The following CCDC196 variants were observed in gnomAD, a reference collection of about 807,000 sequenced individuals.
CCDC196 encodes the protein coiled-coil domain-containing protein 196.
intron 3 of CCDC196, among the ~76,000 whole-genome samples, chr14:66,488,677 T>A (rs1330683815): frequency 6.6e-6 from 1 of 152,152 alleles, no homozygotes; most frequent in Non-Finnish European, 1.5e-5. Flanking sequence ...ATTAGTGGTC[T>A]AAGCCCCCAA....
At chr14:66,495,581 T>C (rs2057643236) in intron 8 of CCDC196, 1 of 152,194 alleles carries the variant, frequency 6.6e-6, no homozygotes. Context: ...TTATTATCTG[T>C]TTAACGTATA....
intron 4 of CCDC196, 83 bp from the exon 5 acceptor site, chr14:66,490,659 C>T: frequency 2.5e-6 from 1 of 398,092 alleles, no homozygotes; most frequent in Non-Finnish European, 4.4e-6. Context: ...CTGGCAGGAA[C>T]CAAAACCTTG....
At chr14:66,497,419 C>T (rs1280158455) in intron 8 of CCDC196, among the ~76,000 whole-genome samples, 1 of 152,118 alleles carries the variant, frequency 6.6e-6, no homozygotes, top group Admixed American at 6.5e-5. Context: ...GCATCACACA[C>T]TCAGGAGTGC....
chr14:66,493,134 GTA>G (rs75051446), intron 8 of CCDC196, among the ~76,000 whole-genome samples: 22,282 of 152,130 alleles, frequency 0.15, 2,030 homozygotes, highest in Non-Finnish European at 0.21. Flanking sequence ...TGTTCTATCA[GTA>G]TCAGTATGTA....
intron 8 of CCDC196, among the ~76,000 whole-genome samples, chr14:66,495,102 A>C (rs2057631918): frequency 6.6e-6 from 1 of 152,124 alleles, no homozygotes; most frequent in South Asian, 2.1e-4. Context: ...GATGCCATCA[A>C]GTTTGAAATA....
intron 8 of CCDC196, chr14:66,496,301 G>A (rs546278897): frequency 2.9e-5 from 13 of 456,120 alleles, no homozygotes; most frequent in Admixed American, 1.6e-4. Context: ...CCCACTGTCC[G>A]ATGTGCTGGT....
rs1426799451 is a variant in CCDC196, at chr14:66,488,196, G to A, written c.240G>A (p.Gly80=). The A allele has an allele frequency of 3.9e-5, 16 of 413,088 alleles. No individual in the cohort carries two copies. The highest frequency in any genetic ancestry group is 7.1e-5 in the Non-Finnish European group (16 of 225,922). The allele number at this position is 413,088 out of a possible 1,614,324, so 25.6% of individuals were successfully genotyped here. The change falls in exon 3 of 10, where the codon GGG becomes GGA. Residue 80 remains glycine, a synonymous_variant. Transcript: ENST00000636229. The part of the protein sequence containing the change: ...QIMRQIMAGK[G]CEESSVMELL... ...TGAGACAGATCATGGCAGGGAAGGG[G>A]TGTGAGGAATCCTCGGTCATGGAGC...
At chr14:66,490,427 G>A (rs1304667160) in intron 4 of CCDC196, among the ~76,000 whole-genome samples, 4 of 152,172 alleles carry the variant, frequency 2.6e-5, no homozygotes, top group African/African-American at 9.7e-5. Flanking sequence ...GGTCCTCAAA[G>A]AATTGTGAGG....
intron 4 of CCDC196, 113 bp from the exon 5 acceptor site, chr14:66,490,629 A>G (rs1422235238): frequency 5.0e-6 from 2 of 397,022 alleles, no homozygotes; most frequent in Non-Finnish European, 8.9e-6. Context: ...TTTTCATGCC[A>G]GGCCCTGAGA....
chr14:66,489,759 T>C (rs957054508), intron 4 of CCDC196, among the ~76,000 whole-genome samples: 4 of 152,168 alleles, frequency 2.6e-5, no homozygotes, highest in Non-Finnish European at 5.9e-5. Context: ...AATGAATACC[T>C]AATTCCAATA....
chr14:66,488,051 T>A, intron 2 of CCDC196, 109 bp from the exon 3 acceptor site: 1 of 402,606 alleles, frequency 2.5e-6, no homozygotes, highest in Non-Finnish European at 4.5e-6. Flanking sequence ...CTCCTGATAT[T>A]TCAGTCGCCA....
In CCDC196 at chr14:66,486,760, A is replaced by C. The variant is rs545892310; in HGVS notation, c.154A>C (p.Asn52His). The change falls in exon 2 of 10, where the codon AAC (asparagine) becomes CAC (histidine). Residue 52 changes from asparagine to histidine, a missense_variant. Asn to His is a moderately conservative substitution (Grantham distance 68). Coordinates refer to ENST00000636229, the MANE Select transcript of CCDC196 (RefSeq NM_001351576.1). The stretch of plus-strand genomic sequence containing the variant: ...GCTCAAACCTCTAGAAGATAAAAAC[A>C]ACCTCTTATTTCAAAAGTTAATGTC... ...EMLKPLEDKN[N>H]LLFQKLMSNL... is the part of the protein sequence containing the mutation. 7 of 413,444 alleles carry C rather than the reference A, an allele frequency of 1.7e-5. No homozygotes were observed. In the East Asian group the frequency reaches 2.5e-4, roughly 15 times the overall value. The allele number at this position is 413,444 out of a possible 1,614,324, so 25.6% of individuals were successfully genotyped here. A position where few individuals can be genotyped will look rare whatever the true frequency, so the allele number is the denominator to read the frequency against.
intron 8 of CCDC196, among the ~76,000 whole-genome samples, chr14:66,493,491 G>T (rs1424672612): frequency 6.6e-6 from 1 of 152,202 alleles, no homozygotes; most frequent in African/African-American, 2.4e-5. Flanking sequence ...TTGTTTGTGT[G>T]ATGATAGTCG....
intron 6 of CCDC196, among the ~76,000 whole-genome samples, 178 bp downstream of exon 6, chr14:66,491,282 C>T (rs1161219229): frequency 6.6e-6 from 1 of 152,122 alleles, no homozygotes; most frequent in Non-Finnish European, 1.5e-5. Flanking sequence ...TCTGGGAAAT[C>T]ATATTACGAA....
chr14:66,487,598 T>A (rs192127840), intron 2 of CCDC196, among the ~76,000 whole-genome samples: 2 of 152,334 alleles, frequency 1.3e-5, no homozygotes, highest in Admixed American at 1.3e-4. Context: ...CTTTAAGGAA[T>A]ATCCTCTCTC....
chr14:66,490,410 T>TA (rs546306543), intron 4 of CCDC196, among the ~76,000 whole-genome samples: 45 of 152,232 alleles, frequency 3.0e-4, no homozygotes, highest in African/African-American at 9.6e-4. Flanking sequence ...AATATGGAAA[T>TA]AAAAATGGTC....
Position 66,488,253 on chromosome 14 carries a change from C to G in CCDC196, c.297C>G (p.Asn99Lys). ...AGGAAGCAGAGGAGATGAAACAGAA[C>G]TTGGTAAGAAGTAGGAGGGACTCCA... ...LLKEAEEMKQ[N>K]LERKNKMLRK... The change falls in exon 3 of 10, where the codon AAC (asparagine) becomes AAG (lysine). Residue 99 changes from asparagine to lysine, a missense_variant. Asn to Lys is a moderately conservative substitution (Grantham distance 94). Coordinates refer to ENST00000636229, the MANE Select transcript of CCDC196 (RefSeq NM_001351576.1). 1 of 412,910 alleles carries G rather than the reference C, an allele frequency of 2.4e-6. No homozygotes were observed. The highest frequency in any genetic ancestry group is 4.4e-5 in the Admixed American group (1 of 22,712). The allele number at this position is 412,910 out of a possible 1,614,324, so 25.6% of individuals were successfully genotyped here.
Position 66,498,529 on chromosome 14 carries a change from G to A in CCDC196, c.*57G>A, listed in dbSNP as rs896049989. The A allele has an allele frequency of 2.2e-5, 9 of 411,412 alleles. No individual in the cohort carries two copies. Among genetic ancestry groups the A allele is most frequent in the Non-Finnish European group, 3.1e-5 (7 of 224,986 alleles). 25.5% of individuals were successfully genotyped at this position (411,412 alleles called of 1,614,324 possible). ...TTAAAGACTAGGCACAGCCATTTGT[G>A]TTAATTAAAATCTCTCGCACCTTTG... On this transcript the variant is annotated 3_prime_UTR_variant, in exon 10 of 10. Transcript: ENST00000636229.
intron 8 of CCDC196, chr14:66,496,054 A>G (rs1027447493): frequency 3.6e-5 from 11 of 304,518 alleles, no homozygotes; most frequent in Non-Finnish European, 5.9e-5. Flanking sequence ...AATGAGCACT[A>G]AACAAAAAAT....
Sources: allele counts gnomAD v4.1 joint callset (sites outside exome capture counted in the v4.1 genomes callset), GRCh38; gene constraint gnomAD v4.1.1; transcripts MANE v1.5; gene names NCBI Gene and HGNC (gene_info 2026-07-23, HGNC 2026-07-21).